VAV3: variants seen among roughly 807,000 people sequenced by gnomAD.
VAV3 encodes the protein guanine nucleotide exchange factor VAV3.
Under a neutral mutation model 131.2 loss-of-function variants are expected in VAV3, and 94 were observed. The ratio of observed to expected loss-of-function variants is 0.72; its 90% CI spans 0.61 to 0.85. The LOEUF (loss-of-function observed/expected upper bound fraction) is 0.85. Among genes scored for constraint, VAV3 ranks in the 40% least tolerant of loss-of-function variants. VAV3 has a pLI of 0.00. For synonymous variants in VAV3, 349 were observed against 342.0 expected, an observed-to-expected ratio of 1.02 and a Z score of -0.22; for missense variants, 939 against 1,002.7, an observed-to-expected ratio of 0.94 and a Z score of 0.86.
At chr1:107,933,512 G>A (rs1673559755) in intron 1 of VAV3, among the ~76,000 whole-genome samples, 1 of 151,948 alleles carries the variant, frequency 6.6e-6, no homozygotes, top group Admixed American at 6.6e-5. Flanking sequence ...TCCTGCAATT[G>A]GATTTGCAAA....
At chr1:107,646,085 C>A (rs1376263029) in intron 19 of VAV3, among the ~76,000 whole-genome samples, 1 of 152,056 alleles carries the variant, frequency 6.6e-6, no homozygotes, top group Non-Finnish European at 1.5e-5. Context: ...GGCTTAAAAT[C>A]ACCAGTTCCT....
At chr1:107,802,883 G>GTTTT (rs200786279) in intron 2 of VAV3, among the ~76,000 whole-genome samples, 1 of 142,392 alleles carries the variant, frequency 7.0e-6, no homozygotes, top group African/African-American at 2.6e-5. Context: ...TTCCTCTTCA[G>GTTTT]TTTTTTTTTT....
intron 15 of VAV3, among the ~76,000 whole-genome samples, chr1:107,719,436 A>G (rs918623516): frequency 1.3e-5 from 2 of 152,224 alleles, no homozygotes; most frequent in Non-Finnish European, 2.9e-5. Flanking sequence ...ACATTTATTT[A>G]TGCAGCCAAC....
intron 20 of VAV3, among the ~76,000 whole-genome samples, chr1:107,639,837 G>T (rs747498146): frequency 6.6e-6 from 1 of 151,668 alleles, no homozygotes; most frequent in Non-Finnish European, 1.5e-5. Context: ...AGGAGGCTGA[G>T]ATGGGAAGAT....
At position 107,646,765 on chromosome 1, in the gene VAV3, C is replaced by T. The variant is rs561754836; in HGVS notation, c.1778-4010G>A. Among the ~76,000 whole-genome samples the T allele has an allele frequency of 8.6e-5, 13 of 152,004 alleles. No homozygotes were observed. In the South Asian group the frequency reaches 2.7e-3, roughly 32 times the overall value. On this transcript the variant is annotated intron_variant, in intron 19 of 26. Transcript: ENST00000370056. ...CAGGAGGAATTAACAAACAAATTAG[C>T]AATATTAAAAGGATAGTTACACTCT...
intron 20 of VAV3, among the ~76,000 whole-genome samples, chr1:107,636,164 G>A (rs1193103408): frequency 1.3e-5 from 2 of 152,144 alleles, no homozygotes; most frequent in Admixed American, 1.3e-4. Flanking sequence ...AAGAAATTAT[G>A]GAATTGCATT....
chr1:107,835,464 G>A (rs1047557488), intron 2 of VAV3, among the ~76,000 whole-genome samples: 1 of 152,174 alleles, frequency 6.6e-6, no homozygotes, highest in African/African-American at 2.4e-5. Context: ...AGTGAGATGT[G>A]CGGTTTGTGG....
chr1:107,711,040 G>C (rs2101877342), intron 15 of VAV3, among the ~76,000 whole-genome samples: 1 of 152,176 alleles, frequency 6.6e-6, no homozygotes, highest in South Asian at 2.1e-4. Context: ...TTTCAATATT[G>C]TTCTGGAAGA....
intron 20 of VAV3, among the ~76,000 whole-genome samples, chr1:107,621,510 T>C (rs114437726): frequency 7.8e-4 from 118 of 152,190 alleles, no homozygotes; most frequent in African/African-American, 2.7e-3. Flanking sequence ...CAATCCCCTA[T>C]GCATGGATGA....
chr1:107,733,781 T>A (rs1242816123), intron 15 of VAV3, among the ~76,000 whole-genome samples: 1 of 151,910 alleles, frequency 6.6e-6, no homozygotes, highest in Non-Finnish European at 1.5e-5. Flanking sequence ...TACCTGAAAG[T>A]GACAGGGAGA....
rs138435741 is a variant in VAV3, at chr1:107,628,776, G to C, written c.1915-11144C>G. On this transcript the variant is annotated intron_variant, in intron 20 of 26. Transcript: ENST00000370056. ...AGTAGGGGACCACAAGTCTGAAAAG[G>C]ACTCTAGTTTTAACTCTACAACTGC... 1.1e-3 allele frequency among the ~76,000 whole-genome samples: 168 copies of C among 152,210 alleles called. 2 individuals carry two copies. In the East Asian group the frequency reaches 0.024, roughly 22 times the overall value.
intron 2 of VAV3, among the ~76,000 whole-genome samples, chr1:107,823,535 G>A (rs920095288): frequency 1.3e-5 from 2 of 152,056 alleles, no homozygotes; most frequent in African/African-American, 4.8e-5. Flanking sequence ...TAGAGCCTGT[G>A]GAACTCCAAA....
intron 2 of VAV3, among the ~76,000 whole-genome samples, chr1:107,828,626 C>T (rs537017887): frequency 5.3e-5 from 8 of 152,076 alleles, no homozygotes; most frequent in Non-Finnish European, 1.2e-4. Context: ...ATATTATGGA[C>T]ACATAGCCCT....
At position 107,828,523 on chromosome 1, in the gene VAV3, C is replaced by T. The variant is rs561655076; in HGVS notation, c.321+46378G>A. Among the ~76,000 whole-genome samples the T allele has an allele frequency of 1.1e-3, 166 of 152,174 alleles. 1 individual carries two copies. Among genetic ancestry groups the T allele is most frequent in the African/African-American group, 3.9e-3 (160 of 41,528 alleles). ...TTGAATTTTTGACTTACAAAAATCA[C>T]GGGGTTGGCAGGGTAGTATCCCTTT... On this transcript the variant is annotated intron_variant, in intron 2 of 26. Coordinates refer to ENST00000370056, the MANE Select transcript of VAV3 (RefSeq NM_006113.5).
At chr1:107,762,409 G>T (rs190513586) in intron 9 of VAV3, among the ~76,000 whole-genome samples, 76 of 152,178 alleles carry the variant, frequency 5.0e-4, no homozygotes, top group Non-Finnish European at 8.4e-4. Flanking sequence ...AAATGAATTG[G>T]GGACACATCC....
At chr1:107,959,292 A>AATTG (rs1674970218) in intron 1 of VAV3, among the ~76,000 whole-genome samples, 1 of 151,980 alleles carries the variant, frequency 6.6e-6, no homozygotes, top group African/African-American at 2.4e-5. Flanking sequence ...TTAATTAATT[A>AATTG]ACCCATATAT....
intron 1 of VAV3, among the ~76,000 whole-genome samples, chr1:107,885,640 C>T (rs1470025995): frequency 1.3e-5 from 2 of 152,100 alleles, no homozygotes; most frequent in African/African-American, 2.4e-5. Context: ...CCTCATTTAA[C>T]CTGCCCTTGA....
At chr1:107,700,303 CATTTT>C (rs1660024337) in intron 17 of VAV3, among the ~76,000 whole-genome samples, 1 of 152,208 alleles carries the variant, frequency 6.6e-6, no homozygotes. Context: ...TTATTTATTT[CATTTT>C]ATTTTAAGTT....
chr1:107,888,690 C>T (rs1003880361), intron 1 of VAV3, among the ~76,000 whole-genome samples: 1 of 152,082 alleles, frequency 6.6e-6, no homozygotes, highest in Non-Finnish European at 1.5e-5. Context: ...AACTTCTGAC[C>T]TCAAGTGATC....
Sources: allele counts gnomAD v4.1 joint callset (sites outside exome capture counted in the v4.1 genomes callset), GRCh38; gene constraint gnomAD v4.1.1; transcripts MANE v1.5; gene names NCBI Gene and HGNC (gene_info 2026-07-23, HGNC 2026-07-21).